The following KCNIP4 variants were observed in gnomAD, a reference collection of about 807,000 sequenced individuals.
KCNIP4 encodes potassium voltage-gated channel interacting protein 4.
KCNIP4 carries 12 observed loss-of-function variants against 34.0 expected under a neutral mutation model. That is an observed-to-expected ratio of 0.35 (90% CI 0.23 to 0.57). The LOEUF is 0.57. Among genes scored for constraint, KCNIP4 ranks in the 20% least tolerant of loss-of-function variants. The probability of loss-of-function intolerance (pLI) is 0.83; values close to 1 mark genes in which losing one functional copy is unlikely to be tolerated. For synonymous variants in KCNIP4, 124 were observed against 102.2 expected (o/e 1.21, Z -1.29); for missense variants, 238 against 311.7 (o/e 0.76, Z 1.78).
chr4:21,256,416 C>A (rs1302462104), intron 1 of KCNIP4, among the ~76,000 whole-genome samples: 1 of 102,476 alleles, frequency 9.8e-6, no homozygotes, highest in East Asian at 2.8e-4. Context: ...CCCATCCCTG[C>A]TTAAAAAAAA....
chr4:20,932,237 T>C (rs56063820), intron 1 of KCNIP4, among the ~76,000 whole-genome samples: 2 of 97,586 alleles, frequency 2.0e-5, no homozygotes, highest in Non-Finnish European at 3.8e-5. Flanking sequence ...TTGTAGACTA[T>C]AATAGTCTAT....
At chr4:21,549,216 A>C (rs1738367471) in intron 1 of KCNIP4, among the ~76,000 whole-genome samples, 1 of 152,004 alleles carries the variant, frequency 6.6e-6, no homozygotes, top group African/African-American at 2.4e-5. Context: ...CCAGACACAT[A>C]GTAGCTCATT....
At chr4:21,397,242 T>C (rs1475829093) in intron 1 of KCNIP4, among the ~76,000 whole-genome samples, 2 of 152,204 alleles carry the variant, frequency 1.3e-5, no homozygotes, top group African/African-American at 4.8e-5. Context: ...AGGTGACAAA[T>C]TCTGGAAAAC....
At chr4:21,606,165 CAG>C (rs775926120) in intron 1 of KCNIP4, among the ~76,000 whole-genome samples, 9 of 152,044 alleles carry the variant, frequency 5.9e-5, no homozygotes, top group Non-Finnish European at 5.9e-5. Flanking sequence ...TATGGGAACT[CAG>C]AGAAAGGATA....
intron 1 of KCNIP4, among the ~76,000 whole-genome samples, chr4:21,647,931 T>C (rs1747151955): frequency 7.3e-6 from 1 of 137,214 alleles, no homozygotes; most frequent in African/African-American, 2.8e-5. Context: ...TGGAGTGCAG[T>C]GGCGTGATCT....
intron 3 of KCNIP4, among the ~76,000 whole-genome samples, chr4:20,849,241 C>T (rs1166155096): frequency 6.6e-6 from 1 of 152,030 alleles, no homozygotes; most frequent in Non-Finnish European, 1.5e-5. Context: ...AGTCCTAGGT[C>T]TTTGCAGATG....
intron 1 of KCNIP4, among the ~76,000 whole-genome samples, chr4:21,478,006 G>A (rs1731130218): frequency 6.6e-6 from 1 of 152,106 alleles, no homozygotes; most frequent in South Asian, 2.1e-4. Flanking sequence ...TAGCCTGTTA[G>A]TGTCAACCTC....
intron 1 of KCNIP4, among the ~76,000 whole-genome samples, chr4:21,167,635 C>T (rs1009087865): frequency 2.6e-5 from 4 of 152,148 alleles, no homozygotes; most frequent in South Asian, 2.1e-4. Context: ...CATTGTGCCC[C>T]TTAAAGATTA....
chr4:21,070,969 C>G (rs1344792395), intron 1 of KCNIP4, among the ~76,000 whole-genome samples: 1 of 152,054 alleles, frequency 6.6e-6, no homozygotes, highest in Non-Finnish European at 1.5e-5. Flanking sequence ...GCCACCATGC[C>G]TGGCCTGAGT....
intron 5 of KCNIP4, among the ~76,000 whole-genome samples, chr4:20,743,758 A>C (rs1458856457): frequency 1.3e-5 from 2 of 152,196 alleles, no homozygotes; most frequent in African/African-American, 2.4e-5. Context: ...ACAAAAGCCA[A>C]AATTGACAAA....
intron 2 of KCNIP4, among the ~76,000 whole-genome samples, chr4:20,879,620 A>C (rs554932630): frequency 6.6e-6 from 1 of 152,338 alleles, no homozygotes; most frequent in East Asian, 1.9e-4. Context: ...TGCTTCTTTT[A>C]ATGCTTTCGT....
At chr4:21,787,088 C>T (rs907237250) in intron 1 of KCNIP4, among the ~76,000 whole-genome samples, 3 of 152,138 alleles carry the variant, frequency 2.0e-5, no homozygotes, top group Non-Finnish European at 2.9e-5. Flanking sequence ...GAACACCCGA[C>T]ATAACACCAT....
chr4:20,794,370 C>G (rs1428669512), intron 3 of KCNIP4, among the ~76,000 whole-genome samples: 1 of 152,146 alleles, frequency 6.6e-6, no homozygotes, highest in Non-Finnish European at 1.5e-5. Flanking sequence ...GGCCACTCAC[C>G]TCCTGCTGGG....
At position 21,942,821 on chromosome 4, in the gene KCNIP4, G is replaced by T. The variant is rs141286797; in HGVS notation, c.61+5750C>A. On this transcript the variant is annotated intron_variant, in intron 1 of 8. Coordinates refer to ENST00000382152, the MANE Select transcript of KCNIP4 (RefSeq NM_025221.6). Reference sequence around the variant, plus strand: ...TGCCCAGGCAGGAGTGCAATGGTGCGATCTAGGCTCACTGCAACCTCTGCC... The same window carrying T: ...TGCCCAGGCAGGAGTGCAATGGTGCTATCTAGGCTCACTGCAACCTCTGCC... 4.3e-3 allele frequency among the ~76,000 whole-genome samples: 661 copies of T among 152,244 alleles called. 5 individuals are homozygous for T. Among genetic ancestry groups the T allele is most frequent in the African/African-American group, 0.015 (621 of 41,550 alleles).
intron 1 of KCNIP4, among the ~76,000 whole-genome samples, chr4:21,127,381 C>A (rs1463496973): frequency 2.6e-5 from 4 of 152,200 alleles, no homozygotes; most frequent in Non-Finnish European, 5.9e-5. Flanking sequence ...TTTGTGACAA[C>A]CCAAACACAG....
intron 1 of KCNIP4, among the ~76,000 whole-genome samples, chr4:20,890,672 C>T (rs1419836301): frequency 6.6e-6 from 1 of 151,980 alleles, no homozygotes; most frequent in African/African-American, 2.4e-5. Flanking sequence ...GATGTCAAAC[C>T]AAACTACTAG....
At chr4:21,521,785 T>C (rs1735549206) in intron 1 of KCNIP4, among the ~76,000 whole-genome samples, 1 of 152,164 alleles carries the variant, frequency 6.6e-6, no homozygotes, top group African/African-American at 2.4e-5. Flanking sequence ...TTTCTCTTCA[T>C]AGCAGCCAGA....
At chr4:21,621,711 T>A (rs1016758889) in intron 1 of KCNIP4, among the ~76,000 whole-genome samples, 2 of 152,060 alleles carry the variant, frequency 1.3e-5, no homozygotes, top group African/African-American at 4.8e-5. Context: ...CAATAGACAA[T>A]GAGGCTTAAG....
At chr4:21,554,422 C>G (rs533471053) in intron 1 of KCNIP4, among the ~76,000 whole-genome samples, 2 of 152,098 alleles carry the variant, frequency 1.3e-5, no homozygotes, top group South Asian at 4.1e-4. Context: ...ATTTCTAAGG[C>G]AGACATTCTA....
Sources: gnomAD v4.1 joint callset for allele counts (sites outside exome capture counted in the v4.1 genomes callset) on GRCh38, gnomAD v4.1.1 for gene constraint, MANE v1.5 for transcripts, NCBI Gene and HGNC (gene_info 2026-07-23, HGNC 2026-07-21) for gene names.